The following FBXL7 variants were observed in gnomAD, a reference collection of about 807,000 sequenced individuals.
The protein encoded by FBXL7 is F-box and leucine rich repeat protein 7.
A neutral mutation model predicts 38.3 loss-of-function variants in FBXL7; 12 were observed. The ratio of observed to expected loss-of-function variants is 0.31; its 90% confidence interval spans 0.20 to 0.51. The LOEUF is 0.51. FBXL7 is among the 20% of genes least tolerant of loss of function. The pLI is 0.98. For synonymous variants in FBXL7, 297 were observed against 300.9 expected (o/e 0.99, Z 0.13); for missense variants, 567 against 676.4 (o/e 0.84, Z 1.79).
At chr5:15,505,681 A>G (rs1036114526) in intron 1 of FBXL7, among the ~76,000 whole-genome samples, 6 of 152,204 alleles carry the variant, frequency 3.9e-5, no homozygotes, top group Non-Finnish European at 7.3e-5. Flanking sequence ...GTAGGGTATT[A>G]CATTTTAATT....
rs11952476 is a variant in FBXL7 at position 15,565,598 on chromosome 5, A to C, written c.38-50385A>C. Among the ~76,000 whole-genome samples, 1,363 of 151,890 alleles carry C rather than the reference A, an allele frequency of 9.0e-3. 24 individuals carry two copies. Among genetic ancestry groups the C allele is most frequent in the African/African-American group, 0.03 (1,230 of 41,470 alleles). ...TTACAATAAATCTTGCTCTCTCTCT[A>C]TATATATGTATATATATTGCACAAT... On this transcript the variant is annotated intron_variant, in intron 1 of 3. Transcript: ENST00000504595.
chr5:15,501,554 A>G, intron 1 of FBXL7: 7 of 985,554 alleles, frequency 7.1e-6, no homozygotes, highest in Non-Finnish European at 8.4e-6. Context: ...TTGGCTGAAG[A>G]GGAGTGGAAG....
At chr5:15,863,783 G>A (rs955101214) in intron 2 of FBXL7, among the ~76,000 whole-genome samples, 2 of 152,138 alleles carry the variant, frequency 1.3e-5, no homozygotes, top group African/African-American at 4.8e-5. Flanking sequence ...AAAAGAACCT[G>A]GTACCTCCTC....
At chr5:15,737,720 A>G (rs147868720) in intron 2 of FBXL7, among the ~76,000 whole-genome samples, 1 of 152,310 alleles carries the variant, frequency 6.6e-6, no homozygotes, top group East Asian at 1.9e-4. Flanking sequence ...CTTTGTCTGT[A>G]TACATTAGAG....
chr5:15,754,556 A>C (rs908742968), intron 2 of FBXL7, among the ~76,000 whole-genome samples: 1 of 152,150 alleles, frequency 6.6e-6, no homozygotes, highest in African/African-American at 2.4e-5. Context: ...ATTTTGATTG[A>C]TTTCACAAGT....
At chr5:15,868,859 A>AT (rs997134755) in intron 2 of FBXL7, among the ~76,000 whole-genome samples, 9 of 151,908 alleles carry the variant, frequency 5.9e-5, no homozygotes, top group African/African-American at 1.9e-4. Context: ...TCCCTACTTC[A>AT]TTTTTTTCCC....
intron 2 of FBXL7, among the ~76,000 whole-genome samples, chr5:15,830,484 A>AC (rs60707871): frequency 0.49 from 58,086 of 117,700 alleles, 13,823 homozygotes; most frequent in East Asian, 0.63. Context: ...ACTCCATCTA[A>AC]AACACACACA....
chr5:15,787,580 CAG>C (rs1737164069), intron 2 of FBXL7, among the ~76,000 whole-genome samples: 1 of 152,152 alleles, frequency 6.6e-6, no homozygotes, highest in Non-Finnish European at 1.5e-5. Context: ...GTCAGAAATA[CAG>C]AGAGCCTGAA....
At chr5:15,596,399 T>C (rs1739625752) in intron 1 of FBXL7, among the ~76,000 whole-genome samples, 1 of 152,094 alleles carries the variant, frequency 6.6e-6, no homozygotes, top group African/African-American at 2.4e-5. Flanking sequence ...AAAATAAAAA[T>C]AAATGTCAAC....
chr5:15,629,284 G>A lies in FBXL7; in HGVS notation c.127+13212G>A, dbSNP rs185720119. 2.2e-4 allele frequency among the ~76,000 whole-genome samples: 33 copies of A among 152,146 alleles called. No individual in the cohort carries two copies. The East Asian group carries it at 3.3e-3, about 15-fold the overall frequency. On this transcript the variant is annotated intron_variant, in intron 2 of 3. Coordinates refer to ENST00000504595, the MANE Select transcript of FBXL7 (RefSeq NM_012304.5). Reference sequence around the variant, plus strand: ...ACTCAGATCCATACTCAGAAGAAACGGAAATATACTTGAGACACAAGTATG... The same window carrying A: ...ACTCAGATCCATACTCAGAAGAAACAGAAATATACTTGAGACACAAGTATG...
At chr5:15,725,039 CATTCAT>C (rs1744303814) in intron 2 of FBXL7, among the ~76,000 whole-genome samples, 1 of 152,164 alleles carries the variant, frequency 6.6e-6, no homozygotes, top group Admixed American at 6.5e-5. Flanking sequence ...TCAGTAAAAC[CATTCAT>C]ATACTTGTGA....
At chr5:15,674,782 C>G (rs1742598380) in intron 2 of FBXL7, among the ~76,000 whole-genome samples, 1 of 152,224 alleles carries the variant, frequency 6.6e-6, no homozygotes. Flanking sequence ...ATTTTGCCAT[C>G]TGTGGATTTT....
intron 2 of FBXL7, among the ~76,000 whole-genome samples, chr5:15,665,451 C>G (rs1306523393): frequency 6.6e-6 from 1 of 152,154 alleles, no homozygotes; most frequent in East Asian, 1.9e-4. Context: ...TCTCCTGTCT[C>G]TCCTTGGAAT....
At chr5:15,600,864 A>G (rs552279952) in intron 1 of FBXL7, among the ~76,000 whole-genome samples, 1 of 152,322 alleles carries the variant, frequency 6.6e-6, no homozygotes, top group East Asian at 1.9e-4. Context: ...AGTAAGGCAC[A>G]AAGGTCTGTA....
intron 2 of FBXL7, among the ~76,000 whole-genome samples, chr5:15,925,743 T>TA (rs1457709747): frequency 2.0e-5 from 3 of 152,242 alleles, no homozygotes; most frequent in Admixed American, 6.5e-5. Flanking sequence ...ATTTTGAAGA[T>TA]AAATGCTCTA....
intron 2 of FBXL7, among the ~76,000 whole-genome samples, chr5:15,885,931 G>A (rs1485415142): frequency 6.6e-6 from 1 of 151,758 alleles, no homozygotes; most frequent in Non-Finnish European, 1.5e-5. Context: ...GTGTAGCCCA[G>A]GCTGGTCTTG....
chr5:15,518,973 C>A (rs1057354756), intron 1 of FBXL7, among the ~76,000 whole-genome samples: 1 of 152,012 alleles, frequency 6.6e-6, no homozygotes, highest in Admixed American at 6.6e-5. Flanking sequence ...AACTTGCAGT[C>A]CGGTGAGGAG....
chr5:15,815,075 C>A (rs983571502), intron 2 of FBXL7, among the ~76,000 whole-genome samples: 1 of 152,158 alleles, frequency 6.6e-6, no homozygotes, highest in African/African-American at 2.4e-5. Flanking sequence ...TTTAACAATT[C>A]TTAATTATGA....
rs530955197 is a variant in FBXL7 at position 15,575,026 on chromosome 5, A to T, written c.38-40957A>T. On this transcript the variant is annotated intron_variant, in intron 1 of 3. Transcript: ENST00000504595. ...TCCGGAGACATTTTTTGTTTTCACA[A>T]TTGTGGGAGAAAAAGTGGGGAGTGC... Among the ~76,000 whole-genome samples, 77 of 152,174 alleles carry T rather than the reference A, an allele frequency of 5.1e-4. 1 individual carries two copies. In the South Asian group the frequency reaches 0.011, roughly 21 times the overall value.
Sources: allele counts gnomAD v4.1 joint callset (sites outside exome capture counted in the v4.1 genomes callset), GRCh38; gene constraint gnomAD v4.1.1; transcripts MANE v1.5; gene names NCBI Gene and HGNC (gene_info 2026-07-23, HGNC 2026-07-21).